SPATA1: variants seen among roughly 807,000 people sequenced by gnomAD.
SPATA1 encodes spermatogenesis-associated protein 1.
A neutral mutation model predicts 59.6 loss-of-function variants in SPATA1; 57 were observed. The observed-to-expected ratio is 0.96, with a 90% confidence interval of 0.77 to 1.19. The LOEUF is 1.19. Among genes scored for constraint, SPATA1 ranks in the 50% most tolerant of loss-of-function variants. The pLI is 0.00. For synonymous variants in SPATA1, 147 were observed against 163.9 expected, an observed-to-expected ratio of 0.90 and a Z score of 0.79; for missense variants, 448 against 480.7, an observed-to-expected ratio of 0.93 and a Z score of 0.64.
chr1:84,522,935 G>A (rs1375722275), intron 4 of SPATA1, among the ~76,000 whole-genome samples: 3 of 150,440 alleles, frequency 2.0e-5, no homozygotes, highest in Non-Finnish European at 4.4e-5. Flanking sequence ...TTCCGAGACG[G>A]AGTCTTGCTC....
chr1:84,536,614 T>G (rs1683694816), intron 8 of SPATA1, among the ~76,000 whole-genome samples: 1 of 151,808 alleles, frequency 6.6e-6, no homozygotes, highest in African/African-American at 2.4e-5. Context: ...CGGCTAATTT[T>G]TTTGTATTTT....
rs149232853 is a variant in SPATA1 at position 84,510,993 on chromosome 1, G to A, written c.-138+4575G>A. On this transcript the variant is annotated intron_variant, in intron 1 of 12. Transcript: ENST00000490879. ...AACTCATGGAGATAGTAGAATGATG[G>A]TTACCAGAGGCTGGGAAGGGTAGTG... 4.3e-3 allele frequency among the ~76,000 whole-genome samples: 662 copies of A among 152,244 alleles called. 3 individuals are homozygous for A. The highest frequency in any genetic ancestry group is 6.4e-3 in the Non-Finnish European group (437 of 68,004).
rs542829964 is a variant in SPATA1, at chr1:84,562,288, G to A, written n.443-3573G>A. 2.6e-5 allele frequency among the ~76,000 whole-genome samples: 4 copies of A among 152,288 alleles called. No individual in the cohort carries two copies. The South Asian group carries it at 8.3e-4, about 32-fold the overall frequency. On this transcript the variant is annotated intron_variant and non_coding_transcript_variant, in intron 4 of 4. Transcript: ENST00000460286. ...TGTAATATTAACAGTTCCCAGGACAGACTAATATAAACACTGTTTAGGAAA... is the reference window on the plus strand; with the variant it reads ...TGTAATATTAACAGTTCCCAGGACAAACTAATATAAACACTGTTTAGGAAA...
At chr1:84,552,767 G>GT (rs990394015) in intron 12 of SPATA1, 4 of 247,844 alleles carry the variant, frequency 1.6e-5, no homozygotes, top group African/African-American at 4.4e-5. Flanking sequence ...TCTCACTCTA[G>GT]TTTTTAGAAC....
intron 6 of SPATA1, among the ~76,000 whole-genome samples, chr1:84,531,244 T>C (rs1305342003): frequency 6.6e-6 from 1 of 151,820 alleles, no homozygotes; most frequent in Non-Finnish European, 1.5e-5. Context: ...CTCACTGCAG[T>C]GTCTGCCTCC....
At chr1:84,537,333 G>T (rs551309662) in intron 8 of SPATA1, among the ~76,000 whole-genome samples, 1 of 152,134 alleles carries the variant, frequency 6.6e-6, no homozygotes, top group Non-Finnish European at 1.5e-5. Flanking sequence ...GACTAATCAT[G>T]ATGTTCCTGA....
At chr1:84,522,354 C>T in intron 3 of SPATA1, 36 bp from the exon 4 acceptor site, 2 of 1,241,206 alleles carry the variant, frequency 1.6e-6, no homozygotes, top group East Asian at 2.6e-5. Flanking sequence ...AAATCTATTT[C>T]ATTTTATATT....
intron 8 of SPATA1, among the ~76,000 whole-genome samples, chr1:84,542,538 G>A (rs1056037653): frequency 4.6e-5 from 7 of 151,980 alleles, no homozygotes; most frequent in Non-Finnish European, 1.0e-4. Context: ...TTCAGGTAGA[G>A]CCCTCTCTTT....
chr1:84,565,756 C>G, intron 4 of SPATA1, 105 bp from the exon 14 acceptor site: 1 of 765,812 alleles, frequency 1.3e-6, no homozygotes, highest in Non-Finnish European at 1.8e-6. Flanking sequence ...ATACATATAA[C>G]TTAGAAATAC....
At chr1:84,527,076 A>T (rs1284316472) in intron 6 of SPATA1, among the ~76,000 whole-genome samples, 1 of 152,170 alleles carries the variant, frequency 6.6e-6, no homozygotes, top group African/African-American at 2.4e-5. Context: ...CTAAGATGAA[A>T]GCAGGTACTA....
exon 11 of SPATA1, chr1:84,548,877 A>C: frequency 1.2e-6 from 2 of 1,603,466 alleles, no homozygotes; most frequent in South Asian, 2.2e-5. Flanking sequence ...AAGATTTGGA[A>C]CTCTACTATA....
At chr1:84,516,008 G>C (rs1682778909) in intron 1 of SPATA1, among the ~76,000 whole-genome samples, 1 of 152,072 alleles carries the variant, frequency 6.6e-6, no homozygotes, top group African/African-American at 2.4e-5. Flanking sequence ...GAATTATTTA[G>C]AATAGTAAAA....
chr1:84,509,445 A>T (rs1383016041), intron 1 of SPATA1, among the ~76,000 whole-genome samples: 4 of 152,218 alleles, frequency 2.6e-5, no homozygotes, highest in Non-Finnish European at 5.9e-5. Flanking sequence ...TAAATCTAAG[A>T]CCTCAAACTA....
intron 11 of SPATA1, 101 bp downstream of exon 11, chr1:84,549,065 C>A: frequency 1.8e-6 from 2 of 1,142,430 alleles, no homozygotes; most frequent in Non-Finnish European, 2.3e-6. Flanking sequence ...CTAACTTTGA[C>A]TTAAACTTGC....
chr1:84,540,816 G>A (rs1558604506), intron 8 of SPATA1, among the ~76,000 whole-genome samples: 1 of 152,178 alleles, frequency 6.6e-6, no homozygotes, highest in Non-Finnish European at 1.5e-5. Context: ...TGCTTAGTAA[G>A]GCCTGTGAGC....
At chr1:84,526,241 G>T in intron 6 of SPATA1, 168 bp downstream of exon 6, 1 of 540,000 alleles carries the variant, frequency 1.9e-6, no homozygotes. Context: ...TGCCAGATGG[G>T]AGGAAAAGAA....
At chr1:84,542,601 A>T (rs1218261739) in intron 8 of SPATA1, among the ~76,000 whole-genome samples, 3 of 152,096 alleles carry the variant, frequency 2.0e-5, no homozygotes, top group African/African-American at 7.2e-5. Flanking sequence ...GTGCTGACAC[A>T]TAGTCCATAT....
chr1:84,516,987 C>T (rs1006489468), intron 2 of SPATA1, among the ~76,000 whole-genome samples: 1 of 152,118 alleles, frequency 6.6e-6, no homozygotes, highest in Non-Finnish European at 1.5e-5. Context: ...TCTCAGACCC[C>T]CAATACCTTC....
chr1:84,548,988 C>T (rs1385069013), intron 11 of SPATA1, 24 bp downstream of exon 11: 5 of 1,519,700 alleles, frequency 3.3e-6, no homozygotes, highest in Admixed American at 2.2e-5. Flanking sequence ...TATCCCCCTT[C>T]CGTTAGAGAA....
Sources: allele counts gnomAD v4.1 joint callset (sites outside exome capture counted in the v4.1 genomes callset), GRCh38; gene constraint gnomAD v4.1.1; transcripts MANE v1.5; gene names NCBI Gene and HGNC (gene_info 2026-07-23, HGNC 2026-07-21).